The following SARDH variants were observed in gnomAD, a reference collection of about 807,000 sequenced individuals.
The protein encoded by SARDH is sarcosine dehydrogenase, also known as sarcosine dehydrogenase, mitochondrial.
In SARDH, 95 loss-of-function variants were observed where a neutral mutation model predicts 109.1. The ratio of observed to expected loss-of-function variants is 0.87; its 90% CI spans 0.74 to 1.03. The LOEUF (loss-of-function observed/expected upper bound fraction) is 1.03, where lower values mean the gene tolerates loss of function less well. SARDH is among the 50% of genes least tolerant of loss of function. The pLI is 0.00. For synonymous variants in SARDH, 572 were observed against 534.8 expected (o/e 1.07, Z -0.96); for missense variants, 1,267 against 1,287.8 (o/e 0.98, Z 0.25).
Position 133,712,751 on chromosome 9 carries a change from G to C in SARDH, c.1238-42C>G, listed in dbSNP as rs373307216. ...CGCAGGGCTGCGGTCTGCCCCCCAG[G>C]GTCCCCCACCCATGTCCAAACATGT... is the stretch of plus-strand genomic sequence containing the variant. On this transcript the variant is annotated intron_variant, in intron 9 of 20. Transcript: ENST00000439388. The surrounding 1 kb of genome is among the most constrained non-coding windows in gnomAD (Gnocchi z 4.1). The C allele has an allele frequency of 2.5e-6, 4 of 1,576,768 alleles. No individual in the cohort carries two copies. The highest frequency in any genetic ancestry group is 8.6e-7 in the Non-Finnish European group (1 of 1,158,160).
At chr9:133,663,040 G>T (rs1829936846), downstream of SARDH, among the ~76,000 whole-genome samples, 2 of 152,200 alleles carry the variant, frequency 1.3e-5, no homozygotes, top group African/African-American at 4.8e-5. Context: ...TCCTGCAAGG[G>T]CCAGACAAGG....
intron 16 of SARDH, among the ~76,000 whole-genome samples, chr9:133,689,367 C>T (rs1222762821): frequency 1.3e-5 from 2 of 152,056 alleles, no homozygotes; most frequent in East Asian, 1.9e-4. Context: ...GCAGATGTGG[C>T]GGCAGGAAGC....
chr9:133,717,412 T>C lies in SARDH; in HGVS notation c.1064A>G (p.Glu355Gly). The C allele has an allele frequency of 6.2e-7, 1 of 1,614,054 alleles. No individual in the cohort carries two copies. Among genetic ancestry groups the C allele is most frequent in the Middle Eastern group, 1.7e-4 (1 of 6,056 alleles). ...GCCTTCAATGTGCTGGGTGAACACC[T>C]CCCAGTCCAGGTCAAAGAGGCCGAA... is the stretch of plus-strand genomic sequence containing the variant. ...FAFGLFDLDW[E>G]VFTQHIEGAI... is the part of the protein sequence containing the mutation. The change falls in exon 8 of 21, where the codon GAG (glutamate) becomes GGG (glycine). Residue 355 changes from glutamate to glycine, a missense_variant. By Grantham distance (98) the Glu-to-Gly change is moderately conservative. Coordinates refer to ENST00000439388, the MANE Select transcript of SARDH (RefSeq NM_001134707.2).
intron 17 of SARDH, among the ~76,000 whole-genome samples, chr9:133,672,019 C>T (rs1830367217): frequency 6.6e-6 from 1 of 152,204 alleles, no homozygotes; most frequent in African/African-American, 2.4e-5. Flanking sequence ...TGGCTTAAAA[C>T]AATAACAGTA....
chr9:133,704,380 C>G lies in SARDH; in HGVS notation c.1554+568G>C, dbSNP rs1831609193. Among the ~76,000 whole-genome samples, 2 of 152,178 alleles carry G rather than the reference C, an allele frequency of 1.3e-5. No individual in the cohort carries two copies. Among genetic ancestry groups the G allele is most frequent in the African/African-American group, 2.4e-5 (1 of 41,446 alleles). ...CCTCGCGTCCCCTGCTCCCGAGGGT[C>G]TGGGTCCCAGGTTTCACAGCAGGAC... On this transcript the variant is annotated intron_variant, in intron 12 of 20. Transcript: ENST00000439388. This position sits in a 1 kb window ranked among gnomAD's most constrained non-coding sequence, Gnocchi z 4.5.
chr9:133,667,663 T>G (rs999721420), intron 19 of SARDH, among the ~76,000 whole-genome samples: 1 of 151,668 alleles, frequency 6.6e-6, no homozygotes, highest in African/African-American at 2.4e-5. Flanking sequence ...CTTCTCCCTG[T>G]GCAATGGGTT....
At chr9:133,668,292 TCCCTCCCTCTCCCTCCCTCTCCCCCA>T (rs1830148280) in intron 19 of SARDH, among the ~76,000 whole-genome samples, 3 of 112,582 alleles carry the variant, frequency 2.7e-5, no homozygotes, top group Admixed American at 1.8e-4. Context: ...TCCCTCCCTC[TCCCTCCCTCTCCCTCCCTCTCCCCCA>T]CCCTCCCTCT....
rs779034879 is a variant in SARDH at position 133,730,164 on chromosome 9, G to T, written c.714C>A (p.Thr238=). ...GAQVIENCPV[T]GIRVWTDDFG... ...AATCATCCGTCCACACACGAATGCC[G>T]GTCACTGGGCAGTTCTCAATGACCT... Residue 238 remains threonine (T), a synonymous_variant, in exon 5 of 21, where the codon ACC becomes ACA. Coordinates refer to ENST00000439388, the MANE Select transcript of SARDH (RefSeq NM_001134707.2). 1 of 1,614,192 alleles carries T rather than the reference G, an allele frequency of 6.2e-7. No individual in the cohort carries two copies. Among genetic ancestry groups the T allele is most frequent in the East Asian group, 2.2e-5 (1 of 44,880 alleles).
At chr9:133,719,883 A>G (rs1832265116) in intron 6 of SARDH, among the ~76,000 whole-genome samples, 1 of 148,650 alleles carries the variant, frequency 6.7e-6, no homozygotes, top group Admixed American at 6.7e-5. Flanking sequence ...AGGCCAAGGC[A>G]GGCAGATCAC....
At chr9:133,684,966 G>A (rs1161417931) in intron 17 of SARDH, among the ~76,000 whole-genome samples, 3 of 152,212 alleles carry the variant, frequency 2.0e-5, no homozygotes, top group African/African-American at 7.2e-5. Flanking sequence ...ACCAGGCACC[G>A]AGGAGGGATG....
At chr9:133,660,138 C>T (rs1050042897), downstream of SARDH, among the ~76,000 whole-genome samples, 1 of 151,348 alleles carries the variant, frequency 6.6e-6, no homozygotes, top group African/African-American at 2.4e-5. Flanking sequence ...CCGTGTCCCC[C>T]CTACCCCGCT....
chr9:133,716,987 T>C (rs1009518373), intron 8 of SARDH, among the ~76,000 whole-genome samples: 3 of 152,116 alleles, frequency 2.0e-5, no homozygotes, highest in African/African-American at 7.2e-5. Flanking sequence ...CTATTCCCAT[T>C]TTACAGATGA....
chr9:133,737,101 AGG>A (rs1407195328), intron 1 of SARDH, among the ~76,000 whole-genome samples: 9 of 152,212 alleles, frequency 5.9e-5, no homozygotes, highest in Admixed American at 5.2e-4. Flanking sequence ...TGACCATCCC[AGG>A]GGGACTCAGG....
At chr9:133,683,472 T>C (rs1179877713) in intron 17 of SARDH, among the ~76,000 whole-genome samples, 1 of 152,222 alleles carries the variant, frequency 6.6e-6, no homozygotes, top group Non-Finnish European at 1.5e-5. Flanking sequence ...GGATGCTGCG[T>C]GGACCCCGGC....
In SARDH at chr9:133,732,409, A is replaced by T. The variant is rs775771873; in HGVS notation, c.510+14T>A. ...CCAAGCCCCCCTCCTTGCCCCCCGC[A>T]GGGGAGCACACACCGACATGAGCCT... On this transcript the variant is annotated intron_variant, in intron 3 of 20. Transcript: ENST00000439388. 8.4e-5 allele frequency: 42 copies of T among 502,734 alleles called. No homozygotes were observed. The highest frequency in any genetic ancestry group is 1.1e-4 in the Non-Finnish European group (33 of 302,604). 31.1% of individuals were successfully genotyped at this position (502,734 alleles called of 1,614,324 possible).
chr9:133,700,863 C>A (rs1293454836), intron 13 of SARDH, among the ~76,000 whole-genome samples: 1 of 152,200 alleles, frequency 6.6e-6, no homozygotes, highest in Non-Finnish European at 1.5e-5. Flanking sequence ...CCCTTCAGGG[C>A]TCAACATGCC....
intron 6 of SARDH, among the ~76,000 whole-genome samples, chr9:133,720,580 G>A (rs1019787298): frequency 3.3e-5 from 5 of 152,190 alleles, no homozygotes; most frequent in Non-Finnish European, 7.4e-5. Context: ...CACATGGCTG[G>A]GGAGGCCTCA....
intron 17 of SARDH, among the ~76,000 whole-genome samples, 154 bp downstream of exon 17, chr9:133,685,039 G>A (rs535586479): frequency 6.6e-6 from 1 of 152,142 alleles, no homozygotes; most frequent in Non-Finnish European, 1.5e-5. Flanking sequence ...TAGGAGGGCC[G>A]CCTGGTCCCA....
At chr9:133,737,821 G>A (rs980186330) in intron 1 of SARDH, among the ~76,000 whole-genome samples, 3 of 152,212 alleles carry the variant, frequency 2.0e-5, no homozygotes, top group Non-Finnish European at 2.9e-5. Context: ...CCACTCTCTT[G>A]CCCCCTCCAA....
Sources: gnomAD v4.1 joint callset for allele counts (sites outside exome capture counted in the v4.1 genomes callset) on GRCh38, gnomAD v4.1.1 for gene constraint, Gnocchi (gnomAD v3.1) non-coding constraint, MANE v1.5 for transcripts, NCBI Gene and HGNC (gene_info 2026-07-23, HGNC 2026-07-21) for gene names.